The following INPP4B variants were observed in gnomAD, a reference collection of about 807,000 sequenced individuals.
INPP4B encodes inositol polyphosphate 4-phosphatase type II.
Under a neutral mutation model 122.5 loss-of-function variants are expected in INPP4B, and 55 were observed. The observed-to-expected ratio is 0.45, with a 90% confidence interval of 0.36 to 0.56. The LOEUF (loss-of-function observed/expected upper bound fraction) is 0.56, where lower values mean the gene tolerates loss of function less well. Ranked by LOEUF, INPP4B falls within the 20% of genes least tolerant of loss-of-function variation. The pLI, the probability that INPP4B is intolerant of heterozygous loss-of-function variation, is 0.00. For missense variants in INPP4B, 1,000 were observed against 1,097.7 expected, an observed-to-expected ratio of 0.91 and a Z score of 1.26; for synonymous variants, 403 against 388.7, an observed-to-expected ratio of 1.04 and a Z score of -0.43.
intron 2 of INPP4B, among the ~76,000 whole-genome samples, chr4:142,530,265 C>T (rs1475158851): frequency 6.6e-6 from 1 of 151,984 alleles, no homozygotes; most frequent in Non-Finnish European, 1.5e-5. Context: ...GTCAGCATGG[C>T]TTTATTCCTT....
intron 14 of INPP4B, among the ~76,000 whole-genome samples, chr4:142,193,635 C>T (rs890066292): frequency 6.6e-6 from 1 of 152,050 alleles, no homozygotes; most frequent in Admixed American, 6.6e-5. Flanking sequence ...AGCATTTTGA[C>T]TCAAGGGCAG....
chr4:142,842,855 TATAA>T (rs984268051), intron 1 of INPP4B, among the ~76,000 whole-genome samples: 12 of 137,242 alleles, frequency 8.7e-5, no homozygotes, highest in South Asian at 4.3e-4. Context: ...TCAAAATATA[TATAA>T]ATAATGATAT....
At chr4:142,658,444 C>T (rs557751801) in intron 2 of INPP4B, among the ~76,000 whole-genome samples, 1 of 152,328 alleles carries the variant, frequency 6.6e-6, no homozygotes, top group African/African-American at 2.4e-5. Context: ...GATCCTTGTT[C>T]TGTTTTTCAT....
intron 2 of INPP4B, among the ~76,000 whole-genome samples, chr4:142,714,367 A>C (rs1763501607): frequency 6.6e-6 from 1 of 152,114 alleles, no homozygotes; most frequent in Non-Finnish European, 1.5e-5. Flanking sequence ...CTTTCCTCAC[A>C]CGTTGACATA....
intron 1 of INPP4B, among the ~76,000 whole-genome samples, chr4:142,844,730 T>C (rs1783976301): frequency 6.6e-6 from 1 of 152,256 alleles, no homozygotes; most frequent in African/African-American, 2.4e-5. Context: ...GCCCTGTTGA[T>C]GATTCCTTGC....
chr4:142,328,554 C>T (rs781156667), intron 7 of INPP4B, among the ~76,000 whole-genome samples: 2 of 152,118 alleles, frequency 1.3e-5, no homozygotes, highest in Admixed American at 6.5e-5. Context: ...GAGAAGCAGA[C>T]ATGACAATGC....
chr4:142,801,221 A>G (rs1320555791), intron 1 of INPP4B, among the ~76,000 whole-genome samples: 4 of 152,224 alleles, frequency 2.6e-5, no homozygotes, highest in African/African-American at 7.2e-5. Flanking sequence ...GATAATGGCC[A>G]AAGTTCAGAC....
intron 9 of INPP4B, among the ~76,000 whole-genome samples, chr4:142,284,366 A>G (rs1752561936): frequency 6.6e-6 from 1 of 152,158 alleles, no homozygotes; most frequent in South Asian, 2.1e-4. Flanking sequence ...GAGAAGAGAT[A>G]GAATCTAAAA....
intron 1 of INPP4B, among the ~76,000 whole-genome samples, chr4:142,770,063 T>C (rs1181152589): frequency 6.6e-6 from 1 of 152,208 alleles, no homozygotes; most frequent in Non-Finnish European, 1.5e-5. Flanking sequence ...CAACTGTAGC[T>C]CTTTGAGCTC....
At chr4:142,527,312 T>G (rs1421002397) in intron 2 of INPP4B, among the ~76,000 whole-genome samples, 1 of 151,836 alleles carries the variant, frequency 6.6e-6, no homozygotes, top group Non-Finnish European at 1.5e-5. Context: ...CCAGAACCTT[T>G]TTATAGAATT....
At chr4:142,824,680 TC>T (rs1161181046) in intron 1 of INPP4B, among the ~76,000 whole-genome samples, 4 of 152,088 alleles carry the variant, frequency 2.6e-5, no homozygotes, top group Non-Finnish European at 1.5e-5. Flanking sequence ...TGATTCATTT[TC>T]CCCATTTCTT....
intron 2 of INPP4B, among the ~76,000 whole-genome samples, chr4:142,555,602 C>T (rs1261768280): frequency 6.6e-6 from 1 of 152,098 alleles, no homozygotes; most frequent in Admixed American, 6.5e-5. Flanking sequence ...GGCGTGGTGG[C>T]TCATGCCTGT....
intron 1 of INPP4B, among the ~76,000 whole-genome samples, chr4:142,790,781 G>A (rs1580925115): frequency 6.6e-6 from 1 of 151,762 alleles, no homozygotes; most frequent in African/African-American, 2.4e-5. Flanking sequence ...TCTAAATTGA[G>A]GTCCTTTTTT....
In INPP4B at chr4:142,488,471, A is replaced by G. The variant is rs533922336; in HGVS notation, c.-190-25745T>C. ...AAGATTGTAATTTTTTCTTCCTTAA[A>G]TGTTTCCTATAATTTACCAGTGAAG... On this transcript the variant is annotated intron_variant, in intron 2 of 25. Coordinates refer to ENST00000262992, the MANE Select transcript of INPP4B (RefSeq NM_001101669.3). Among the ~76,000 whole-genome samples, 18 of 152,104 alleles carry G rather than the reference A, an allele frequency of 1.2e-4. No homozygotes were observed. In the South Asian group the frequency reaches 2.5e-3, roughly 21 times the overall value.
At chr4:142,369,070 T>C (rs1303131026) in intron 7 of INPP4B, among the ~76,000 whole-genome samples, 2 of 151,790 alleles carry the variant, frequency 1.3e-5, no homozygotes, top group Non-Finnish European at 2.9e-5. Flanking sequence ...AAGAAAAACG[T>C]TGAAAAAGTA....
chr4:142,481,765 G>A (rs1820576414), intron 2 of INPP4B, among the ~76,000 whole-genome samples: 1 of 152,146 alleles, frequency 6.6e-6, no homozygotes, highest in Admixed American at 6.6e-5. Flanking sequence ...CTAGCCAATA[G>A]ATGGTTCTGT....
rs537920373 is a variant in INPP4B, at chr4:142,498,167, G to A, written c.-190-35441C>T. Among the ~76,000 whole-genome samples, 998 of 149,896 alleles carry A rather than the reference G, an allele frequency of 6.7e-3. 13 individuals carry two copies. Among genetic ancestry groups the A allele is most frequent in the African/African-American group, 0.023 (947 of 40,686 alleles). On this transcript the variant is annotated intron_variant, in intron 2 of 25. Transcript: ENST00000262992. ...CATACATATGTGTATACATATATAT[G>A]TATGTATACATACATATGTATGTGT...
At chr4:142,472,922 T>C (rs572474973) in intron 2 of INPP4B, among the ~76,000 whole-genome samples, 172 of 152,266 alleles carry the variant, frequency 1.1e-3, no homozygotes, top group African/African-American at 4.0e-3. Context: ...CAAAACAAAA[T>C]AGTAAAAACT....
rs202117647 is a variant in INPP4B, at chr4:142,790,657, AAAAAAC to A, written c.-254+55546_-254+55551del. Among the ~76,000 whole-genome samples, 367 of 152,176 alleles carry A rather than the reference AAAAAAC, an allele frequency of 2.4e-3. 5 individuals are homozygous for A. Among genetic ancestry groups the A allele is most frequent in the East Asian group, 0.017 (87 of 5,164 alleles). On this transcript the variant is annotated intron_variant, in intron 1 of 25. Coordinates refer to ENST00000262992, the MANE Select transcript of INPP4B (RefSeq NM_001101669.3). ...AAGAAACAAACTGAAGGAAAAAAAC[AAAAAAC>A]AAAAACAAAAACAAACCTTATGTAA... is the stretch of plus-strand genomic sequence containing the variant.
Sources: gnomAD v4.1 joint callset for allele counts (sites outside exome capture counted in the v4.1 genomes callset) on GRCh38, gnomAD v4.1.1 for gene constraint, MANE v1.5 for transcripts, NCBI Gene and HGNC (gene_info 2026-07-23, HGNC 2026-07-21) for gene names.